Variants in RGS7 observed in about 807,000 individuals in gnomAD.
The protein encoded by RGS7 is regulator of G-protein signaling 7.
RGS7 carries 27 observed loss-of-function variants against 81.1 expected under a neutral mutation model. The ratio of observed to expected loss-of-function variants is 0.33; its 90% confidence interval spans 0.25 to 0.46. RGS7 has a LOEUF of 0.46. Among genes scored for constraint, RGS7 ranks in the 20% least tolerant of loss-of-function variants. RGS7 has a pLI of 1.00. For missense variants in RGS7, 396 were observed against 607.4 expected, an observed-to-expected ratio of 0.65 and a Z score of 3.66; for synonymous variants, 208 against 207.7, an observed-to-expected ratio of 1.00 and a Z score of -0.01.
At chr1:241,011,009 C>G (rs1348268409) in intron 3 of RGS7, among the ~76,000 whole-genome samples, 1 of 152,010 alleles carries the variant, frequency 6.6e-6, no homozygotes. Flanking sequence ...GACCTCTAAC[C>G]AAGACTATAT....
chr1:241,047,532 C>G (rs2060999156), intron 3 of RGS7, among the ~76,000 whole-genome samples: 1 of 152,058 alleles, frequency 6.6e-6, no homozygotes, highest in Non-Finnish European at 1.5e-5. Flanking sequence ...CTTTATTATA[C>G]TCTCTAATGT....
chr1:240,992,972 A>G (rs1230695639), intron 3 of RGS7, among the ~76,000 whole-genome samples: 1 of 151,788 alleles, frequency 6.6e-6, no homozygotes, highest in African/African-American at 2.4e-5. Flanking sequence ...TCGAGATTGC[A>G]TGACTGCATT....
At chr1:240,939,895 C>T (rs1406477813) in intron 4 of RGS7, among the ~76,000 whole-genome samples, 3 of 151,888 alleles carry the variant, frequency 2.0e-5, no homozygotes, top group South Asian at 4.2e-4. Flanking sequence ...ACCTGGTGAA[C>T]CCCGTCTCTA....
chr1:240,976,440 C>T (rs1033714098), intron 4 of RGS7, among the ~76,000 whole-genome samples: 3 of 152,256 alleles, frequency 2.0e-5, no homozygotes, highest in Admixed American at 6.5e-5. Context: ...TGATATTTGG[C>T]CAAACACCAG....
chr1:240,919,644 C>T, intron 6 of RGS7: 1 of 455,136 alleles, frequency 2.2e-6, no homozygotes, highest in South Asian at 2.9e-5. Flanking sequence ...CTCTCTTCTC[C>T]CTGCCCTCAT....
chr1:241,168,255 A>G (rs1558149676), intron 2 of RGS7, among the ~76,000 whole-genome samples: 2 of 152,198 alleles, frequency 1.3e-5, no homozygotes, highest in Non-Finnish European at 2.9e-5. Flanking sequence ...CAGGAGGGAT[A>G]AAGGGGGGAC....
rs367605450 is a variant in RGS7 at position 240,985,376 on chromosome 1, T to A, written c.176-2247A>T. Among the ~76,000 whole-genome samples, 18 of 152,364 alleles carry A rather than the reference T, an allele frequency of 1.2e-4. 1 individual carries two copies. The highest frequency in any genetic ancestry group is 3.9e-4 in the Admixed American group (6 of 15,306). On this transcript the variant is annotated intron_variant, in intron 3 of 18. Coordinates refer to ENST00000440928, the MANE Select transcript of RGS7 (RefSeq NM_001364886.1). ...ATATTTTTTATTGTGAAAAATGACT[T>A]GAAAAATGCTCTTAGAGACTAAGTT...
chr1:241,327,064 G>A (rs1345976305), intron 2 of RGS7, among the ~76,000 whole-genome samples: 1 of 68,804 alleles, frequency 1.5e-5, no homozygotes, highest in African/African-American at 6.0e-5. Context: ...GAAGGAAGAA[G>A]GAAGGAAGGA....
intron 2 of RGS7, among the ~76,000 whole-genome samples, chr1:241,348,231 T>C (rs1198119230): frequency 6.6e-6 from 1 of 152,244 alleles, no homozygotes; most frequent in Non-Finnish European, 1.5e-5. Context: ...GAAAGTTCTA[T>C]TGGACAGCAT....
intron 4 of RGS7, among the ~76,000 whole-genome samples, chr1:240,976,938 CTATCTATA>C (rs1315746710): frequency 6.6e-6 from 1 of 151,948 alleles, no homozygotes; most frequent in African/African-American, 2.4e-5. Context: ...TATCATCTAT[CTATCTATA>C]TATCTATATC....
At chr1:241,333,334 A>G (rs74823685) in intron 2 of RGS7, among the ~76,000 whole-genome samples, 3,831 of 152,304 alleles carry the variant, frequency 0.025, 96 homozygotes, top group African/African-American at 0.063. Flanking sequence ...GGAATCTAGC[A>G]GTAACTAGAT....
intron 5 of RGS7, among the ~76,000 whole-genome samples, chr1:240,933,390 C>A (rs1338069535): frequency 1.3e-5 from 2 of 151,922 alleles, no homozygotes; most frequent in African/African-American, 2.4e-5. Context: ...TTATATTTTT[C>A]TTCATTCTCC....
intron 3 of RGS7, among the ~76,000 whole-genome samples, chr1:241,052,250 C>G (rs1572458682): frequency 6.6e-6 from 1 of 152,080 alleles, no homozygotes; most frequent in African/African-American, 2.4e-5. Flanking sequence ...AAGTGAAGTG[C>G]TATGGTAGAA....
chr1:240,811,636 T>C (rs911423394), intron 14 of RGS7, among the ~76,000 whole-genome samples: 23 of 152,382 alleles, frequency 1.5e-4, no homozygotes, highest in African/African-American at 5.0e-4. Context: ...TTGTTCTCTG[T>C]ACTGCATTTC....
intron 4 of RGS7, among the ~76,000 whole-genome samples, chr1:240,976,656 C>T (rs1246310524): frequency 6.6e-6 from 1 of 152,162 alleles, no homozygotes; most frequent in Non-Finnish European, 1.5e-5. Context: ...AGGTCTCCAG[C>T]CTGCTGTCCT....
intron 2 of RGS7, among the ~76,000 whole-genome samples, chr1:241,343,533 A>C (rs12129165): frequency 0.14 from 21,665 of 152,210 alleles, 2,250 homozygotes; most frequent in African/African-American, 0.26. Flanking sequence ...ACATGGATGA[A>C]CCTTGAGGAC....
chr1:241,238,969 T>C (rs912540722), intron 2 of RGS7, among the ~76,000 whole-genome samples: 17,051 of 142,738 alleles, frequency 0.12, 997 homozygotes, highest in East Asian at 0.18. Context: ...TCTCTCTCTT[T>C]TTTTTTTTTT....
chr1:240,954,113 A>G (rs925575548), intron 4 of RGS7, among the ~76,000 whole-genome samples: 2 of 152,072 alleles, frequency 1.3e-5, no homozygotes, highest in Non-Finnish European at 2.9e-5. Context: ...TCAATAATTA[A>G]TAACTTCCCC....
chr1:240,871,865 C>A (rs1664549448), intron 6 of RGS7, among the ~76,000 whole-genome samples: 2 of 152,142 alleles, frequency 1.3e-5, no homozygotes, highest in Admixed American at 6.5e-5. Context: ...TTTCAAGCCC[C>A]AGCTATGCCC....
Sources: allele counts gnomAD v4.1 joint callset (sites outside exome capture counted in the v4.1 genomes callset), GRCh38; gene constraint gnomAD v4.1.1; transcripts MANE v1.5; gene names NCBI Gene and HGNC (gene_info 2026-07-23, HGNC 2026-07-21).